The following MAPKAPK3 variants were observed in gnomAD, a reference collection of about 807,000 sequenced individuals.
MAPKAPK3 encodes MAPK activated protein kinase 3, also known as MAP kinase-activated protein kinase 3.
Under a neutral mutation model 49.2 loss-of-function variants are expected in MAPKAPK3, and 35 were observed. The observed-to-expected ratio is 0.71, with a 90% CI of 0.54 to 0.94. MAPKAPK3 has a LOEUF of 0.94. Among genes scored for constraint, MAPKAPK3 ranks in the 40% least tolerant of loss-of-function variants. The probability of loss-of-function intolerance (pLI) is 0.00; values close to 1 mark genes in which losing one functional copy is unlikely to be tolerated. For missense variants in MAPKAPK3, 398 were observed against 493.1 expected (o/e 0.81, Z 1.83); for synonymous variants, 178 against 188.7 (o/e 0.94, Z 0.46).
At chr3:50,611,648 C>CA (rs1436181609), upstream of MAPKAPK3, 1 of 1,494,542 alleles carries the variant, frequency 6.7e-7, no homozygotes, top group Admixed American at 2.4e-5. Context: ...CGCAGAGGAC[C>CA]ATGTCCCCGC....
upstream of MAPKAPK3, among the ~76,000 whole-genome samples, chr3:50,615,523 G>C (rs892679982): frequency 6.6e-6 from 1 of 152,194 alleles, no homozygotes; most frequent in African/African-American, 2.4e-5. Flanking sequence ...CCAGCCCTGA[G>C]GTTGTGCTTT....
intron 2 of MAPKAPK3, among the ~76,000 whole-genome samples, chr3:50,629,576 A>G (rs566240262): frequency 1.4e-4 from 22 of 152,290 alleles, no homozygotes; most frequent in Admixed American, 3.9e-4. Flanking sequence ...GAGAGGCTGA[A>G]TGGCCTGCCC....
chr3:50,638,922 A>G (rs901935201), intron 2 of MAPKAPK3, among the ~76,000 whole-genome samples: 3 of 152,242 alleles, frequency 2.0e-5, no homozygotes, highest in Admixed American at 2.0e-4. Flanking sequence ...GCCCTCCTCC[A>G]TTAGGAAACA....
intron 9 of MAPKAPK3, 119 bp downstream of exon 9, chr3:50,646,944 C>T: frequency 9.2e-7 from 1 of 1,087,238 alleles, no homozygotes; most frequent in Non-Finnish European, 1.4e-6. Context: ...CCCATGCACA[C>T]AGGTAGATAC....
intron 2 of MAPKAPK3, 73 bp downstream of exon 2, chr3:50,617,857 C>A: frequency 1.7e-6 from 2 of 1,191,902 alleles, no homozygotes; most frequent in South Asian, 1.3e-5. Context: ...GAAGCTATGT[C>A]TAGCGCCCCT....
chr3:50,634,683 G>T (rs929629253), intron 2 of MAPKAPK3, among the ~76,000 whole-genome samples: 2 of 152,110 alleles, frequency 1.3e-5, no homozygotes, highest in African/African-American at 4.8e-5. Context: ...TAGAGATGGG[G>T]TTTCACCATG....
chr3:50,643,032 C>G (rs926852950), intron 5 of MAPKAPK3, among the ~76,000 whole-genome samples: 1 of 151,948 alleles, frequency 6.6e-6, no homozygotes, highest in African/African-American at 2.4e-5. Context: ...TTGTATTTTT[C>G]GTAGAGATGG....
chr3:50,630,025 G>A (rs1298700393), intron 2 of MAPKAPK3, among the ~76,000 whole-genome samples: 1 of 152,230 alleles, frequency 6.6e-6, no homozygotes, highest in Non-Finnish European at 1.5e-5. Context: ...AGCCTGTCAA[G>A]CTGCCACCCT....
In MAPKAPK3 at chr3:50,641,900, A is replaced by G. The variant is rs556222440; in HGVS notation, c.424+129A>G. 50 of 837,012 alleles carry G rather than the reference A, an allele frequency of 6.0e-5. No individual in the cohort carries two copies. In the Admixed American group the frequency reaches 7.2e-4, roughly 12 times the overall value. 51.8% of individuals were successfully genotyped at this position (837,012 alleles called of 1,614,324 possible). The stretch of plus-strand genomic sequence containing the variant: ...ATCTGAATAAGAAAGGGTGAGACTC[A>G]GTGTCCATCCCCACAAGGGACTCTC... On this transcript the variant is annotated intron_variant, in intron 4 of 10. Transcript: ENST00000621469.
At chr3:50,641,644 C>G in intron 3 of MAPKAPK3, 63 bp from the exon 4 acceptor site, 2 of 1,345,008 alleles carry the variant, frequency 1.5e-6, no homozygotes, top group South Asian at 2.3e-5. Context: ...TGATTTGGGG[C>G]AGGGGCAAGG....
At chr3:50,637,322 A>G (rs893095360) in intron 2 of MAPKAPK3, among the ~76,000 whole-genome samples, 7 of 152,178 alleles carry the variant, frequency 4.6e-5, no homozygotes, top group African/African-American at 1.7e-4. Context: ...CCAGGGTGGT[A>G]GGAGGAACAG....
chr3:50,634,473 C>T (rs533190406), intron 2 of MAPKAPK3, among the ~76,000 whole-genome samples: 1 of 151,806 alleles, frequency 6.6e-6, no homozygotes, highest in South Asian at 2.1e-4. Flanking sequence ...GTCAGAAATC[C>T]CCTCCTATCT....
intron 10 of MAPKAPK3, 64 bp downstream of exon 10, chr3:50,647,267 G>C (rs976499775): frequency 2.2e-6 from 3 of 1,395,310 alleles, no homozygotes; most frequent in African/African-American, 2.9e-5. Context: ...GACTTCAGGG[G>C]GGTGGCTACC....
upstream of MAPKAPK3, among the ~76,000 whole-genome samples, chr3:50,615,465 G>A (rs950855550): frequency 1.6e-5 from 2 of 127,260 alleles, no homozygotes; most frequent in African/African-American, 5.3e-5. Context: ...GGCTGTGTGA[G>A]GAGCCAGAAA....
At chr3:50,642,712 GC>G (rs1451993222) in intron 5 of MAPKAPK3, among the ~76,000 whole-genome samples, 1 of 152,212 alleles carries the variant, frequency 6.6e-6, no homozygotes, top group Non-Finnish European at 1.5e-5. Context: ...TAAGTGACTT[GC>G]CCAGGGGCTG....
upstream of MAPKAPK3, chr3:50,611,747 C>G (rs1182858291): frequency 7.2e-7 from 1 of 1,380,832 alleles, no homozygotes; most frequent in Non-Finnish European, 9.4e-7. Flanking sequence ...GGTAGGCTCC[C>G]GGGGCGCGCG....
At chr3:50,631,815 C>T (rs987913116) in intron 2 of MAPKAPK3, among the ~76,000 whole-genome samples, 3 of 152,222 alleles carry the variant, frequency 2.0e-5, no homozygotes, top group Non-Finnish European at 2.9e-5. Flanking sequence ...CCTAAATTTC[C>T]CTACAACATT....
intron 2 of MAPKAPK3, among the ~76,000 whole-genome samples, chr3:50,626,337 T>G (rs2032741600): frequency 6.6e-6 from 1 of 152,104 alleles, no homozygotes; most frequent in Non-Finnish European, 1.5e-5. Flanking sequence ...TACCGCCATT[T>G]TTACAGAGGG....
At chr3:50,646,911 C>T (rs746617878) in intron 9 of MAPKAPK3, 86 bp downstream of exon 9, 99 of 1,379,246 alleles carry the variant, frequency 7.2e-5, no homozygotes, top group Non-Finnish European at 9.6e-5. Flanking sequence ...TGCTTTGAGG[C>T]CCCAGTGCAG....
Sources: allele counts gnomAD v4.1 joint callset (sites outside exome capture counted in the v4.1 genomes callset), GRCh38; gene constraint gnomAD v4.1.1; transcripts MANE v1.5; gene names NCBI Gene and HGNC (gene_info 2026-07-23, HGNC 2026-07-21).